The following MKRN3 variants were observed in gnomAD, a reference collection of about 807,000 sequenced individuals.
The protein encoded by MKRN3 is E3 ubiquitin-protein ligase makorin-3.
For missense variants in MKRN3, 749 were observed against 667.0 expected (o/e 1.12, Z -1.35); for synonymous variants, 301 against 250.2 (o/e 1.20, Z -1.91).
In MKRN3 at chr15:23,567,431, A is replaced by G. The variant is rs1181175678; in HGVS notation, c.*125A>G. ...AGGCAGTGCTTCTGTTTTCTTGTCT[A>G]TTCTGCATATCTTTCCCCCTAGGAT... is the stretch of plus-strand genomic sequence containing the variant. On this transcript the variant is annotated 3_prime_UTR_variant, in exon 1 of 1. Transcript: ENST00000314520. 8.0e-6 allele frequency: 12 copies of G among 1,496,324 alleles called. No homozygotes were observed. In the East Asian group the frequency reaches 1.2e-4, roughly 14 times the overall value. 92.7% of individuals were successfully genotyped at this position (1,496,324 alleles called of 1,614,324 possible).
In MKRN3 at chr15:23,567,699, G is replaced by T; in HGVS notation, c.*393G>T. 1 of 1,032,808 alleles carries T rather than the reference G, an allele frequency of 9.7e-7. No individual in the cohort carries two copies. The allele number at this position is 1,032,808 out of a possible 1,614,324, so 64.0% of individuals were successfully genotyped here. On this transcript the variant is annotated 3_prime_UTR_variant, in exon 1 of 1. Transcript: ENST00000314520. ...TTGTGCTATAATAGCCTTAACAAATGGACCCTTGCAGGGCTTTGCAGCTGC... is the reference window on the plus strand; with the variant it reads ...TTGTGCTATAATAGCCTTAACAAATTGACCCTTGCAGGGCTTTGCAGCTGC...
Position 23,566,985 on chromosome 15 carries a change from G to A in MKRN3, c.1203G>A (p.Arg401=). The A allele has an allele frequency of 6.2e-7, 1 of 1,614,232 alleles. No individual in the cohort carries two copies. The highest frequency in any genetic ancestry group is 8.5e-7 in the Non-Finnish European group (1 of 1,180,040). The change falls in exon 1 of 1, where the codon AGG becomes AGA. Residue 401 remains arginine (R), a synonymous_variant. Coordinates refer to ENST00000314520, the MANE Select transcript of MKRN3 (RefSeq NM_005664.4). ...AGGCAATGAGCAACAAGGCCTGCAGGTATTTTGCGGAAGGCAGGGGTAACT... is the reference window on the plus strand; with the variant it reads ...AGGCAATGAGCAACAAGGCCTGCAGATATTTTGCGGAAGGCAGGGGTAACT... The part of the protein sequence containing the change: ...YKEAMSNKAC[R]YFAEGRGNCP...
At position 23,567,292 on chromosome 15, in the gene MKRN3, A is replaced by C. The variant is rs761888848; in HGVS notation, c.1510A>C (p.Asn504His). The change falls in exon 1 of 1, where the codon AAT becomes CAT. Residue 504 changes from asparagine to histidine, a missense_variant. Transcript: ENST00000314520. ...TCATTATGAGCTGGAAGAATATTTCAATTTGATTCTGTAGCATCGTGCTGT... is the reference window on the plus strand; with the variant it reads ...TCATTATGAGCTGGAAGAATATTTCCATTTGATTCTGTAGCATCGTGCTGT... ...LLHYELEEYF[N>H]LIL 5 of 1,614,068 alleles carry C rather than the reference A, an allele frequency of 3.1e-6. No homozygotes were observed. The highest frequency in any genetic ancestry group is 1.7e-5 in the Admixed American group (1 of 60,012).
Position 23,567,096 on chromosome 15 carries a change from C to T in MKRN3, c.1314C>T (p.Phe438=). The T allele has an allele frequency of 6.2e-7, 1 of 1,614,220 alleles. No homozygotes were observed. Among genetic ancestry groups the T allele is most frequent in the South Asian group, 1.1e-5 (1 of 91,076 alleles). The change falls in exon 1 of 1, where the codon TTC becomes TTT. Residue 438 remains phenylalanine, a synonymous_variant. Coordinates refer to ENST00000314520, the MANE Select transcript of MKRN3 (RefSeq NM_005664.4). ...DEPPGPGGGS[F]SAYWHQLVEP... ...CTCCTGGGCCAGGTGGTGGGTCATTCAGCGCATACTGGCATCAACTTGTGG... is the reference window on the plus strand; with the variant it reads ...CTCCTGGGCCAGGTGGTGGGTCATTTAGCGCATACTGGCATCAACTTGTGG...
Position 23,566,199 on chromosome 15 carries a change from A to G in MKRN3, c.417A>G (p.Ala139=). The G allele has an allele frequency of 6.2e-7, 1 of 1,613,744 alleles. No individual in the cohort carries two copies. The highest frequency in any genetic ancestry group is 8.5e-7 in the Non-Finnish European group (1 of 1,180,016). ...EGGVSPPGAS[A]GGGPSTAAHI... ...GCGTTTCGCCGCCTGGGGCCTCTGC[A>G]GGTGGAGGCCCTAGCACGGCTGCGC... The change falls in exon 1 of 1, where the codon GCA becomes GCG. Residue 139 remains alanine, a synonymous_variant. Coordinates refer to ENST00000314520, the MANE Select transcript of MKRN3 (RefSeq NM_005664.4).
At position 23,567,664 on chromosome 15, in the gene MKRN3, A is replaced by G; in HGVS notation, c.*358A>G. On this transcript the variant is annotated 3_prime_UTR_variant, in exon 1 of 1. Coordinates refer to ENST00000314520, the MANE Select transcript of MKRN3 (RefSeq NM_005664.4). ...GAGTGAAAGGAGAAGTTTTAATTGA[A>G]CTAGTAGCTTTGTGCTATAATAGCC... The G allele has an allele frequency of 1.9e-6, 2 of 1,076,812 alleles. No homozygotes were observed. Among genetic ancestry groups the G allele is most frequent in the Non-Finnish European group, 2.3e-6 (2 of 878,346 alleles). The allele number at this position is 1,076,812 out of a possible 1,614,324, so 66.7% of individuals were successfully genotyped here.
Position 23,567,208 on chromosome 15 carries a change from A to C in MKRN3, c.1426A>C (p.Lys476Gln). 6.2e-7 allele frequency: 1 copy of C among 1,614,206 alleles called. No homozygotes were observed. The highest frequency in any genetic ancestry group is 8.5e-7 in the Non-Finnish European group (1 of 1,180,034). ...GCTTCGGCTGGCCAGTCTGTTGTTT[A>C]AGCGGTTTCTTTCACTGAGAGATGA... ...VVLRLASLLF[K>Q]RFLSLRDELP... Residue 476 changes from lysine to glutamine, a missense_variant, in exon 1 of 1, where the codon AAG becomes CAG. Coordinates refer to ENST00000314520, the MANE Select transcript of MKRN3 (RefSeq NM_005664.4).
At position 23,565,755 on chromosome 15, in the gene MKRN3, G is replaced by A. The variant is rs1889068873; in HGVS notation, c.-28G>A. On this transcript the variant is annotated 5_prime_UTR_variant, in exon 1 of 1. Coordinates refer to ENST00000314520, the MANE Select transcript of MKRN3 (RefSeq NM_005664.4). ...AAAGAAAAAATACCGGAGAGGTTCT[G>A]GCACCATTTCGGGGTGCCAAAGCAG... 3 of 1,545,270 alleles carry A rather than the reference G, an allele frequency of 1.9e-6. No homozygotes were observed. The highest frequency in any genetic ancestry group is 3.9e-5 in the Admixed American group (2 of 51,310).
rs748074227 is a variant in MKRN3 at position 23,566,825 on chromosome 15, G to A, written c.1043G>A (p.Arg348Lys). 6.2e-7 allele frequency: 1 copy of A among 1,614,246 alleles called. No homozygotes were observed. Among genetic ancestry groups the A allele is most frequent in the Non-Finnish European group, 8.5e-7 (1 of 1,180,056 alleles). The change falls in exon 1 of 1, where the codon AGA (arginine) becomes AAA (lysine). Residue 348 changes from arginine (R) to lysine (K), a missense_variant. Transcript: ENST00000314520. ...TGTATTAGGTGTATCCGCAGGTGGA[G>A]AAGTGCCAGACAGTTTGAGAACAGG... ...SFCIRCIRRW[R>K]SARQFENRIV... is the part of the protein sequence containing the mutation.
rs981010919 is a variant in MKRN3, at chr15:23,565,777, G to C, written c.-6G>C. 1 of 1,580,690 alleles carries C rather than the reference G, an allele frequency of 6.3e-7. No homozygotes were observed. The highest frequency in any genetic ancestry group is 8.6e-7 in the Non-Finnish European group (1 of 1,159,754). ...TCTGGCACCATTTCGGGGTGCCAAA[G>C]CAGCCATGGAAGAGCCTGCAGCTCC... is the stretch of plus-strand genomic sequence containing the variant. On this transcript the variant is annotated 5_prime_UTR_variant, in exon 1 of 1. Coordinates refer to ENST00000314520, the MANE Select transcript of MKRN3 (RefSeq NM_005664.4).
In MKRN3 at chr15:23,567,411, G is replaced by A. The variant is rs891318041; in HGVS notation, c.*105G>A. On this transcript the variant is annotated 3_prime_UTR_variant, in exon 1 of 1. Coordinates refer to ENST00000314520, the MANE Select transcript of MKRN3 (RefSeq NM_005664.4). ...ACTGCTTTCAGGGGCTGTTGAGGCA[G>A]TGCTTCTGTTTTCTTGTCTATTCTG... 104 of 1,522,702 alleles carry A rather than the reference G, an allele frequency of 6.8e-5. No homozygotes were observed. The highest frequency in any genetic ancestry group is 8.4e-5 in the Non-Finnish European group (95 of 1,137,050). 94.3% of individuals were successfully genotyped at this position (1,522,702 alleles called of 1,614,324 possible). A position where few individuals can be genotyped will look rare whatever the true frequency, so the allele number is the denominator to read the frequency against.
chr15:23,565,932 T>G lies in MKRN3; in HGVS notation c.150T>G (p.His50Gln). The G allele has an allele frequency of 6.2e-7, 1 of 1,613,860 alleles. No homozygotes were observed. Among genetic ancestry groups the G allele is most frequent in the East Asian group, 2.2e-5 (1 of 44,820 alleles). Residue 50 changes from histidine to glutamine, a missense_variant, in exon 1 of 1, where the codon CAT becomes CAG. His to Gln is a conservative substitution (Grantham distance 24). Transcript: ENST00000314520. ...ESAAPDSALP[H>Q]AARGWAPFPV... Reference sequence around the variant, plus strand: ...CTGCTCCAGATTCAGCCCTGCCACATGCGGCAAGGGGCTGGGCCCCCTTCC... The same window carrying G: ...CTGCTCCAGATTCAGCCCTGCCACAGGCGGCAAGGGGCTGGGCCCCCTTCC...
chr15:23,565,848 A>G lies in MKRN3; in HGVS notation c.66A>G (p.Ala22=). The change falls in exon 1 of 1, where the codon GCA becomes GCG. Residue 22 remains alanine (A), a synonymous_variant. Transcript: ENST00000314520. ...CCGGGGCCCAGGCAGGTGCTGAGGC[A>G]GCAAGGGAGGGTGTGTCTGGGCCGG... is the stretch of plus-strand genomic sequence containing the variant. ...EAAGAQAGAE[A]AREGVSGPDL... is the part of the protein sequence containing the mutation. 1 of 1,613,606 alleles carries G rather than the reference A, an allele frequency of 6.2e-7. No individual in the cohort carries two copies. The highest frequency in any genetic ancestry group is 1.1e-5 in the South Asian group (1 of 91,046).
In MKRN3 at chr15:23,567,493, A is replaced by C. The variant is rs1889130052; in HGVS notation, c.*187A>C. ...TCTGTGTTAAAAAATAAGTCCTTAA[A>C]GTTACTGTTTTGGTGAAATTAATAT... On this transcript the variant is annotated 3_prime_UTR_variant, in exon 1 of 1. Transcript: ENST00000314520. 2 of 1,428,146 alleles carry C rather than the reference A, an allele frequency of 1.4e-6. No individual in the cohort carries two copies. The highest frequency in any genetic ancestry group is 5.1e-5 in the East Asian group (2 of 38,940). The allele number at this position is 1,428,146 out of a possible 1,614,324, so 88.5% of individuals were successfully genotyped here. A position where few individuals can be genotyped will look rare whatever the true frequency, so the allele number is the denominator to read the frequency against.
chr15:23,567,137 G>T lies in MKRN3; in HGVS notation c.1355G>T (p.Gly452Val), dbSNP rs199852788. The change falls in exon 1 of 1, where the codon GGA becomes GTA. Residue 452 changes from glycine (G) to valine (V), a missense_variant. Coordinates refer to ENST00000314520, the MANE Select transcript of MKRN3 (RefSeq NM_005664.4). ...CAACTTGTGGAGCCTGTGCGAATGGGAGAGGGCAACATGCTCTATAAAAGC... is the reference window on the plus strand; with the variant it reads ...CAACTTGTGGAGCCTGTGCGAATGGTAGAGGGCAACATGCTCTATAAAAGC... ...WHQLVEPVRM[G>V]EGNMLYKSIK... is the part of the protein sequence containing the mutation. 3.3e-5 allele frequency: 54 copies of T among 1,614,210 alleles called. No homozygotes were observed. The Admixed American group carries it at 5.7e-4, about 17-fold the overall frequency.
chr15:23,567,986 T>A lies in MKRN3; in HGVS notation c.*680T>A, dbSNP rs556997417. 2.8e-6 allele frequency: 2 copies of A among 719,422 alleles called. No individual in the cohort carries two copies. Among genetic ancestry groups the A allele is most frequent in the South Asian group, 1.3e-4 (2 of 15,570 alleles). 44.6% of individuals were successfully genotyped at this position (719,422 alleles called of 1,614,324 possible). A position where few individuals can be genotyped will look rare whatever the true frequency, so the allele number is the denominator to read the frequency against. ...AGAATATACATCACAATATAATATT[T>A]ATGTTTATGTAATAAAGTAAATACA... is the stretch of plus-strand genomic sequence containing the variant. On this transcript the variant is annotated 3_prime_UTR_variant, in exon 1 of 1. Transcript: ENST00000314520.
Position 23,566,232 on chromosome 15 carries a change from G to A in MKRN3, c.450G>A (p.Glu150=). The change falls in exon 1 of 1, where the codon GAG becomes GAA. Residue 150 remains glutamate (E), a synonymous_variant. Coordinates refer to ENST00000314520, the MANE Select transcript of MKRN3 (RefSeq NM_005664.4). ...GCCCTAGCACGGCTGCGCACATCGA[G>A]CCCCCGACTCAGGAAGTGGCGGAAG... ...GGGPSTAAHI[E]PPTQEVAEAP... The A allele has an allele frequency of 6.2e-7, 1 of 1,613,612 alleles. No homozygotes were observed. The highest frequency in any genetic ancestry group is 8.5e-7 in the Non-Finnish European group (1 of 1,180,044).
Position 23,566,648 on chromosome 15 carries a change from G to T in MKRN3, c.866G>T (p.Cys289Phe). 1 of 1,614,240 alleles carries T rather than the reference G, an allele frequency of 6.2e-7. No homozygotes were observed. The highest frequency in any genetic ancestry group is 8.5e-7 in the Non-Finnish European group (1 of 1,180,044). Residue 289 changes from cysteine (C) to phenylalanine (F), a missense_variant, in exon 1 of 1, where the codon TGC becomes TTC. Coordinates refer to ENST00000314520, the MANE Select transcript of MKRN3 (RefSeq NM_005664.4). ...AAQREEHMRACIEAHEKDMEL... is the reference protein window; with the variant it reads ...AAQREEHMRAFIEAHEKDMEL... ...CAGAGGGAAGAACATATGAGGGCCT[G>T]CATTGAAGCACACGAGAAAGATATG...
chr15:23,565,828 G>A lies in MKRN3; in HGVS notation c.46G>A (p.Ala16Thr). 6.2e-7 allele frequency: 1 copy of A among 1,611,860 alleles called. No individual in the cohort carries two copies. Residue 16 changes from alanine (A) to threonine (T), a missense_variant, in exon 1 of 1, where the codon GCC becomes ACC. Physicochemically the swap from Ala to Thr is moderately conservative, Grantham distance 58. Transcript: ENST00000314520. Reference protein sequence around the residue: ...APSEAHEAAGAQAGAEAAREG... With the variant: ...APSEAHEAAGTQAGAEAAREG... Reference sequence around the variant, plus strand: ...CTCAGAAGCCCACGAGGCAGCCGGGGCCCAGGCAGGTGCTGAGGCAGCAAG... The same window carrying A: ...CTCAGAAGCCCACGAGGCAGCCGGGACCCAGGCAGGTGCTGAGGCAGCAAG...
Sources: gnomAD v4.1 joint callset for allele counts on GRCh38, gnomAD v4.1.1 for gene constraint, MANE v1.5 for transcripts, NCBI Gene and HGNC (gene_info 2026-07-23, HGNC 2026-07-21) for gene names.